The following CLSTN1 variants were observed in gnomAD, a reference collection of about 807,000 sequenced individuals.
CLSTN1 encodes the protein calsyntenin-1.
In CLSTN1, 28 loss-of-function variants were observed where a neutral mutation model predicts 108.3. That is an observed-to-expected ratio of 0.26 (90% CI 0.19 to 0.35). CLSTN1 has a LOEUF of 0.35. Ranked by LOEUF, CLSTN1 falls within the 10% of genes least tolerant of loss-of-function variation. The pLI, the probability that CLSTN1 is intolerant of heterozygous loss-of-function variation, is 1.00. For synonymous variants in CLSTN1, 524 were observed against 534.9 expected, an observed-to-expected ratio of 0.98 and a Z score of 0.28; for missense variants, 1,157 against 1,302.6, an observed-to-expected ratio of 0.89 and a Z score of 1.72.
chr1:9,804,037 A>G (rs1398309719), intron 1 of CLSTN1, among the ~76,000 whole-genome samples: 1 of 152,060 alleles, frequency 6.6e-6, no homozygotes, highest in Non-Finnish European at 1.5e-5. Flanking sequence ...ACGTTTACTT[A>G]TATTTTTGTA....
intron 1 of CLSTN1, among the ~76,000 whole-genome samples, chr1:9,798,042 C>T (rs189340674): frequency 4.3e-4 from 64 of 150,036 alleles, no homozygotes; most frequent in African/African-American, 1.4e-3. Flanking sequence ...TGCAGTGAGC[C>T]GAGATGGTGC....
chr1:9,742,607 C>T (rs775297908), intron 9 of CLSTN1, among the ~76,000 whole-genome samples: 9 of 152,148 alleles, frequency 5.9e-5, no homozygotes, highest in Non-Finnish European at 8.8e-5. Flanking sequence ...TTTTCCAGGA[C>T]TAAGCCTTTC....
At position 9,741,250 on chromosome 1, in the gene CLSTN1, C is replaced by G; in HGVS notation, c.1363G>C (p.Asp455His). The G allele has an allele frequency of 6.2e-7, 1 of 1,608,886 alleles. No homozygotes were observed. The highest frequency in any genetic ancestry group is 1.1e-5 in the South Asian group (1 of 90,966). ...EFHWKLNQVC[D>H]EEWHHYVLNV... ...AGGACGTAGTGGTGCCATTCCTCAT[C>G]ACAGACCTACAGAGGCAAAGGGAAG... The change falls in exon 10 of 19, where the codon GAT (aspartate) becomes CAT (histidine). Residue 455 changes from aspartate (D) to histidine (H), a missense_variant. Transcript: ENST00000377298.
intron 2 of CLSTN1, among the ~76,000 whole-genome samples, chr1:9,762,268 C>T (rs551250015): frequency 1.1e-4 from 17 of 152,186 alleles, no homozygotes; most frequent in African/African-American, 3.9e-4. Flanking sequence ...TCGAGACCAG[C>T]CTGGTCAACA....
At chr1:9,811,255 G>A (rs1228514806) in intron 1 of CLSTN1, among the ~76,000 whole-genome samples, 1 of 152,126 alleles carries the variant, frequency 6.6e-6, no homozygotes, top group South Asian at 2.1e-4. Flanking sequence ...TTTAGAAGAA[G>A]TTTTAACATG....
At chr1:9,761,518 T>A (rs534745157) in intron 2 of CLSTN1, among the ~76,000 whole-genome samples, 106 of 150,924 alleles carry the variant, frequency 7.0e-4, no homozygotes, top group African/African-American at 1.9e-3. Context: ...TTTTTAAAAA[T>A]TTTTTTAAGG....
At position 9,734,929 on chromosome 1, in the gene CLSTN1, GC is replaced by G; in HGVS notation, c.2110+18del. On this transcript the variant is annotated intron_variant, in intron 14 of 18. Transcript: ENST00000377298. This position sits in a 1 kb window ranked among gnomAD's most constrained non-coding sequence, Gnocchi z 4.8. ...TTCCGGCCGAGGCGAGGGAGCCCGC[GC>G]CCCACAGAGCACATTACCTGTGGGG... The G allele has an allele frequency of 6.3e-7, 1 of 1,597,678 alleles. No individual in the cohort carries two copies. Among genetic ancestry groups the G allele is most frequent in the Non-Finnish European group, 8.6e-7 (1 of 1,165,470 alleles).
At chr1:9,799,563 C>T (rs551554709) in intron 1 of CLSTN1, among the ~76,000 whole-genome samples, 32 of 151,600 alleles carry the variant, frequency 2.1e-4, no homozygotes, top group Middle Eastern at 3.4e-3. Flanking sequence ...ATGGTGTGAA[C>T]CCGGGAGGCA....
At position 9,740,112 on chromosome 1, in the gene CLSTN1, G is replaced by A. The variant is rs180919998; in HGVS notation, c.1519+982C>T. Among the ~76,000 whole-genome samples the A allele has an allele frequency of 5.7e-3, 866 of 151,222 alleles. 9 individuals carry two copies. The highest frequency in any genetic ancestry group is 0.021 in the Middle Eastern group (6 of 288). On this transcript the variant is annotated intron_variant, in intron 10 of 18. Coordinates refer to ENST00000377298, the MANE Select transcript of CLSTN1 (RefSeq NM_001009566.3). Reference sequence around the variant, plus strand: ...ATTACAGGCGTGAGCCACCGCGCCCGGCCAATAGGGCATTCTTGGCTCATG... The same window carrying A: ...ATTACAGGCGTGAGCCACCGCGCCCAGCCAATAGGGCATTCTTGGCTCATG...
In CLSTN1 at chr1:9,755,164, G is replaced by A; in HGVS notation, c.390C>T (p.Ala130=). The change falls in exon 4 of 19, where the codon GCC becomes GCT. Residue 130 remains alanine (A), a synonymous_variant. Transcript: ENST00000377298. The part of the protein sequence containing the change: ...LQKDYSFTIQ[A]YDCGKGPDGT... The stretch of plus-strand genomic sequence containing the variant: ...CATCAGGTCCCTTCCCACAATCATA[G>A]GCCTGGATGGTGAATGAATAGTCTT... The A allele has an allele frequency of 6.2e-7, 1 of 1,614,068 alleles. No homozygotes were observed. Among genetic ancestry groups the A allele is most frequent in the Non-Finnish European group, 8.5e-7 (1 of 1,179,982 alleles).
At chr1:9,782,311 T>TA (rs1332088418) in intron 1 of CLSTN1, among the ~76,000 whole-genome samples, 1 of 152,242 alleles carries the variant, frequency 6.6e-6, no homozygotes, top group African/African-American at 2.4e-5. Flanking sequence ...AATGGAGGCC[T>TA]AAAAAAATGT....
intron 1 of CLSTN1, among the ~76,000 whole-genome samples, chr1:9,812,530 G>T (rs1186402288): frequency 2.6e-5 from 4 of 152,140 alleles, no homozygotes; most frequent in African/African-American, 9.7e-5. Flanking sequence ...GCCAGGCATA[G>T]AAGGGCCCCA....
At chr1:9,774,869 C>T (rs761782746) in intron 1 of CLSTN1, among the ~76,000 whole-genome samples, 1 of 152,084 alleles carries the variant, frequency 6.6e-6, no homozygotes, top group Non-Finnish European at 1.5e-5. Flanking sequence ...ACACGCTAAA[C>T]GAAGGGTGGA....
chr1:9,731,335 GAAC>G lies in CLSTN1; in HGVS notation c.2616_2618del (p.Phe873del). ...TCCGAAATACCCCCAGGATAATCAT[GAAC>G]ACCAGGAAGCTGACGCACACCACGA... On this transcript the variant is annotated inframe_deletion, in exon 18 of 19. Transcript: ENST00000377298. The G allele has an allele frequency of 6.2e-7, 1 of 1,614,262 alleles. No individual in the cohort carries two copies. The highest frequency in any genetic ancestry group is 8.5e-7 in the Non-Finnish European group (1 of 1,180,052).
chr1:9,821,510 G>A (rs1655189607), intron 1 of CLSTN1, among the ~76,000 whole-genome samples: 1 of 152,182 alleles, frequency 6.6e-6, no homozygotes, highest in Non-Finnish European at 1.5e-5. Context: ...GAGTCAAGAT[G>A]CAATTTATAT....
chr1:9,801,656 G>T (rs1403069718), intron 1 of CLSTN1, among the ~76,000 whole-genome samples: 9 of 152,178 alleles, frequency 5.9e-5, no homozygotes, highest in Non-Finnish European at 8.8e-5. Flanking sequence ...CTGGGTTCAA[G>T]TGATTCTCCT....
chr1:9,776,862 T>TTATCTATCATCTATCAGCATC (rs1553179995), intron 1 of CLSTN1, among the ~76,000 whole-genome samples: 1 of 140,020 alleles, frequency 7.1e-6, no homozygotes, highest in African/African-American at 3.0e-5. Context: ...CTATCAGCAT[T>TTATCTATCATCTATCAGCATC]TATCTATCTA....
rs201892778 is a variant in CLSTN1 at position 9,802,713 on chromosome 1, AC to A, written c.91+20929del. ...AAATATCACACTGACGACAATGGCA[AC>A]TTCACTTGTTTCCTCTTTGGTAAAA... On this transcript the variant is annotated intron_variant, in intron 1 of 18. Transcript: ENST00000377298. Among the ~76,000 whole-genome samples the A allele has an allele frequency of 8.6e-4, 131 of 152,250 alleles. 2 individuals are homozygous for A. In the East Asian group the frequency reaches 0.021, roughly 25 times the overall value.
intron 1 of CLSTN1, among the ~76,000 whole-genome samples, chr1:9,789,218 T>C (rs1415058683): frequency 6.6e-6 from 1 of 151,452 alleles, no homozygotes; most frequent in African/African-American, 2.4e-5. Context: ...ACGGTGATTC[T>C]ATCTTTAGGG....
Sources: gnomAD v4.1 joint callset for allele counts (sites outside exome capture counted in the v4.1 genomes callset) on GRCh38, gnomAD v4.1.1 for gene constraint, Gnocchi (gnomAD v3.1) non-coding constraint, MANE v1.5 for transcripts, NCBI Gene and HGNC (gene_info 2026-07-23, HGNC 2026-07-21) for gene names.